Variants in TGFA observed in about 807,000 individuals in gnomAD.
TGFA encodes the protein protransforming growth factor alpha.
A neutral mutation model predicts 21.7 loss-of-function variants in TGFA; 12 were observed. The observed-to-expected ratio is 0.55, with a 90% CI of 0.35 to 0.90. The LOEUF (loss-of-function observed/expected upper bound fraction) is 0.90, where lower values mean the gene tolerates loss of function less well. Among genes scored for constraint, TGFA ranks in the 40% least tolerant of loss-of-function variants. The pLI is 0.01. For missense variants in TGFA, 178 were observed against 210.8 expected, an observed-to-expected ratio of 0.84 and a Z score of 0.96; for synonymous variants, 79 against 88.1, an observed-to-expected ratio of 0.90 and a Z score of 0.58.
At chr2:70,540,988 A>G (rs1163123886) in intron 1 of TGFA, among the ~76,000 whole-genome samples, 1 of 152,226 alleles carries the variant, frequency 6.6e-6, no homozygotes, top group African/African-American at 2.4e-5. Context: ...GAATGAAAAT[A>G]TTCACAACCA....
At chr2:70,492,261 C>T (rs1553497789) in intron 2 of TGFA, among the ~76,000 whole-genome samples, 2 of 152,224 alleles carry the variant, frequency 1.3e-5, no homozygotes, top group African/African-American at 4.8e-5. Flanking sequence ...TGCACCTTAA[C>T]AGATACTTGA....
At chr2:70,486,013 A>G (rs1386977120) in intron 2 of TGFA, among the ~76,000 whole-genome samples, 1 of 152,204 alleles carries the variant, frequency 6.6e-6, no homozygotes, top group East Asian at 1.9e-4. Context: ...TAGTATTTGA[A>G]AGGCAAAAGC....
intron 1 of TGFA, among the ~76,000 whole-genome samples, chr2:70,515,753 G>T (rs1240592044): frequency 6.6e-6 from 1 of 152,122 alleles, no homozygotes; most frequent in Non-Finnish European, 1.5e-5. Context: ...TTAACCCCAG[G>T]CCCTGCCAGG....
chr2:70,544,209 C>T (rs1007994302), intron 1 of TGFA, among the ~76,000 whole-genome samples: 22 of 151,910 alleles, frequency 1.4e-4, no homozygotes, highest in African/African-American at 5.1e-4. Context: ...CCCGTAAAGC[C>T]ATGAAAAATA....
chr2:70,487,947 AGT>A (rs1671315483), intron 2 of TGFA, among the ~76,000 whole-genome samples: 2 of 152,172 alleles, frequency 1.3e-5, no homozygotes, highest in Non-Finnish European at 2.9e-5. Flanking sequence ...GGAGGAGATG[AGT>A]GTTTCTTCAT....
At chr2:70,490,529 CAG>C (rs1420685927) in intron 2 of TGFA, among the ~76,000 whole-genome samples, 13 of 152,322 alleles carry the variant, frequency 8.5e-5, no homozygotes, top group African/African-American at 3.1e-4. Flanking sequence ...TTATAGAATA[CAG>C]AGTTTCCTTT....
At chr2:70,488,555 A>G (rs1477972536) in intron 2 of TGFA, among the ~76,000 whole-genome samples, 3 of 152,198 alleles carry the variant, frequency 2.0e-5, no homozygotes, top group African/African-American at 7.2e-5. Context: ...CAAAGCATTT[A>G]CTGTAACCTT....
chr2:70,515,315 CTGT>C (rs1672237989), intron 1 of TGFA, among the ~76,000 whole-genome samples: 1 of 152,148 alleles, frequency 6.6e-6, no homozygotes, highest in African/African-American at 2.4e-5. Context: ...TACCTTCACC[CTGT>C]TGTTCATGTC....
intron 1 of TGFA, among the ~76,000 whole-genome samples, chr2:70,540,445 A>G (rs1191895480): frequency 6.6e-6 from 1 of 152,228 alleles, no homozygotes; most frequent in Non-Finnish European, 1.5e-5. Context: ...AGAATAAACT[A>G]TTCAATAAAT....
At chr2:70,528,308 A>G (rs1156906829) in intron 1 of TGFA, among the ~76,000 whole-genome samples, 1 of 152,252 alleles carries the variant, frequency 6.6e-6, no homozygotes, top group East Asian at 1.9e-4. Flanking sequence ...TCATAGTAGC[A>G]TGTATTCACA....
intron 2 of TGFA, among the ~76,000 whole-genome samples, chr2:70,509,570 C>G (rs942083855): frequency 6.6e-6 from 1 of 152,194 alleles, no homozygotes; most frequent in Non-Finnish European, 1.5e-5. Flanking sequence ...CTCCCAGACA[C>G]TAAATTAAGC....
chr2:70,476,108 T>A (rs72828645), intron 2 of TGFA, among the ~76,000 whole-genome samples: 13,753 of 82,878 alleles, frequency 0.17, 1,295 homozygotes, highest in African/African-American at 0.25. Flanking sequence ...AAAAAAAAAA[T>A]TAAGAAAATT....
At chr2:70,543,886 C>A (rs1358470481) in intron 1 of TGFA, among the ~76,000 whole-genome samples, 2 of 152,010 alleles carry the variant, frequency 1.3e-5, no homozygotes, top group Non-Finnish European at 2.9e-5. Flanking sequence ...AAACAAAGCC[C>A]CAAATACTTC....
chr2:70,493,163 A>G (rs1281178161), intron 2 of TGFA, among the ~76,000 whole-genome samples: 3 of 152,236 alleles, frequency 2.0e-5, no homozygotes, highest in African/African-American at 4.8e-5. Flanking sequence ...GTTATTAAAC[A>G]TGCCATATAC....
At chr2:70,525,339 A>G (rs1372124955) in intron 1 of TGFA, among the ~76,000 whole-genome samples, 1 of 152,140 alleles carries the variant, frequency 6.6e-6, no homozygotes, top group African/African-American at 2.4e-5. Flanking sequence ...GAAGTAGGGG[A>G]TGGGGGAAGG....
intron 2 of TGFA, among the ~76,000 whole-genome samples, chr2:70,482,063 T>A (rs1387996435): frequency 1.3e-5 from 2 of 152,202 alleles, no homozygotes; most frequent in African/African-American, 4.8e-5. Flanking sequence ...CTATAAGTAT[T>A]CTTTAAGCAA....
chr2:70,540,369 C>T (rs993396658), intron 1 of TGFA, among the ~76,000 whole-genome samples: 4 of 152,176 alleles, frequency 2.6e-5, no homozygotes, highest in Admixed American at 2.0e-4. Context: ...AGAAACTCGA[C>T]AGACAGACCC....
chr2:70,508,679 T>A (rs778449809), intron 2 of TGFA, among the ~76,000 whole-genome samples: 1 of 152,214 alleles, frequency 6.6e-6, no homozygotes, highest in Non-Finnish European at 1.5e-5. Context: ...CTGTCCTTCC[T>A]CCATGTGATG....
chr2:70,523,635 T>C (rs1672546318), intron 1 of TGFA, among the ~76,000 whole-genome samples: 3 of 152,156 alleles, frequency 2.0e-5, no homozygotes, highest in Admixed American at 2.0e-4. Context: ...GCTCCCTGCC[T>C]GCACCTCCTA....
Sources: allele counts gnomAD v4.1 joint callset (sites outside exome capture counted in the v4.1 genomes callset), GRCh38; gene constraint gnomAD v4.1.1; transcripts MANE v1.5; gene names NCBI Gene and HGNC (gene_info 2026-07-23, HGNC 2026-07-21).